The following VXN variants were observed in gnomAD, a reference collection of about 807,000 sequenced individuals.
The protein encoded by VXN is uncharacterized protein C8orf46.
A neutral mutation model predicts 23.1 loss-of-function variants in VXN; 7 were observed. The observed-to-expected ratio is 0.30, with a 90% CI of 0.17 to 0.57. The LOEUF (loss-of-function observed/expected upper bound fraction) is 0.57, where lower values mean the gene tolerates loss of function less well. VXN is among the 20% of genes least tolerant of loss of function. The pLI is 0.91. For missense variants in VXN, 238 were observed against 272.6 expected, an observed-to-expected ratio of 0.87 and a Z score of 0.89; for synonymous variants, 120 against 105.8, an observed-to-expected ratio of 1.13 and a Z score of -0.83.
At chr8:66,506,884 A>G (rs989147004) in intron 3 of VXN, among the ~76,000 whole-genome samples, 1 of 93,894 alleles carries the variant, frequency 1.1e-5, no homozygotes, top group Non-Finnish European at 1.9e-5. Flanking sequence ...TTAAGACGAG[A>G]TAGATTTTTC....
intron 2 of VXN, 21 bp downstream of exon 2, chr8:66,496,513 A>T (rs761995781): frequency 2.5e-6 from 4 of 1,612,036 alleles, no homozygotes; most frequent in Non-Finnish European, 1.7e-6. Context: ...TTTAGTTTTG[A>T]TGTTCTTTGG....
intron 3 of VXN, 93 bp from the exon 4 acceptor site, chr8:66,510,003 G>C: frequency 8.2e-7 from 1 of 1,214,498 alleles, no homozygotes; most frequent in Admixed American, 1.7e-5. Flanking sequence ...TCCCTGGCGT[G>C]GTTGATTGGC....
intron 4 of VXN, chr8:66,510,417 T>C: frequency 2.4e-6 from 1 of 410,772 alleles, no homozygotes; most frequent in Non-Finnish European, 4.4e-6. Context: ...TATTATCCAA[T>C]AGACATCTTA....
intron 4 of VXN, among the ~76,000 whole-genome samples, chr8:66,512,949 G>T (rs1048193513): frequency 3.9e-5 from 6 of 152,204 alleles, no homozygotes; most frequent in African/African-American, 1.4e-4. Flanking sequence ...AATCTGCCCT[G>T]CAAGGTGGGT....
Position 66,502,801 on chromosome 8 carries a change from A to ATTGCAC in VXN, c.127-2564_127-2559dup, listed in dbSNP as rs569817298. ...AGAAAAGAAATGCACAGAGCAACCA[A>ATTGCAC]TTGCACTTGCACTTGTAAATTCCTA... is the stretch of plus-strand genomic sequence containing the variant. On this transcript the variant is annotated intron_variant, in intron 2 of 5. Coordinates refer to ENST00000305454, the MANE Select transcript of VXN (RefSeq NM_152765.4). 2.1e-3 allele frequency among the ~76,000 whole-genome samples: 315 copies of ATTGCAC among 152,092 alleles called. 3 individuals are homozygous for ATTGCAC. The highest frequency in any genetic ancestry group is 7.5e-3 in the African/African-American group (310 of 41,512).
chr8:66,509,286 T>C (rs1469905855), intron 3 of VXN, among the ~76,000 whole-genome samples: 1 of 152,224 alleles, frequency 6.6e-6, no homozygotes, highest in African/African-American at 2.4e-5. Flanking sequence ...AAAGCCAGCT[T>C]TCCCCTACGT....
chr8:66,501,995 C>T (rs1807697124), intron 2 of VXN, among the ~76,000 whole-genome samples: 1 of 152,172 alleles, frequency 6.6e-6, no homozygotes, highest in Admixed American at 6.5e-5. Context: ...GTATTTGTAT[C>T]TCTTCTTATC....
chr8:66,506,232 A>AT (rs1491453609), intron 3 of VXN, among the ~76,000 whole-genome samples: 1 of 140,340 alleles, frequency 7.1e-6, no homozygotes, highest in South Asian at 2.4e-4. Context: ...AGAGAGAGAC[A>AT]GTGTGTGTGT....
chr8:66,507,308 C>T (rs998710955), intron 3 of VXN, among the ~76,000 whole-genome samples: 1 of 152,196 alleles, frequency 6.6e-6, no homozygotes, highest in Non-Finnish European at 1.5e-5. Flanking sequence ...ACAACCCTCT[C>T]CCCACCATCC....
At chr8:66,505,344 G>A (rs1198382075) in intron 2 of VXN, 31 bp from the exon 3 acceptor site, 3 of 1,567,814 alleles carry the variant, frequency 1.9e-6, no homozygotes. Context: ...GAGCAGAGGA[G>A]TGGGCTAACC....
intron 3 of VXN, among the ~76,000 whole-genome samples, chr8:66,509,514 T>C (rs1196798278): frequency 1.3e-5 from 2 of 152,184 alleles, no homozygotes; most frequent in African/African-American, 4.8e-5. Flanking sequence ...AGCACAGGCA[T>C]GACTTCTCTG....
intron 1 of VXN, among the ~76,000 whole-genome samples, chr8:66,495,583 C>T (rs1028836167): frequency 3.9e-5 from 6 of 152,170 alleles, no homozygotes; most frequent in Non-Finnish European, 4.4e-5. Context: ...TCAACATGAT[C>T]AGTCAAAGAT....
chr8:66,503,335 C>A (rs1217827420), intron 2 of VXN: 1 of 152,118 alleles, frequency 6.6e-6, no homozygotes, highest in Non-Finnish European at 1.5e-5. Context: ...CTGTGAATCC[C>A]CTCAGCCCCA....
At position 66,517,057 on chromosome 8, in the gene VXN, GA is replaced by G. The variant is rs1279150976; in HGVS notation, c.*984del. 4 of 152,180 alleles carry G rather than the reference GA, an allele frequency of 2.6e-5. No homozygotes were observed. Among genetic ancestry groups the G allele is most frequent in the Non-Finnish European group, 5.9e-5 (4 of 68,026 alleles). The allele number at this position is 152,180 out of a possible 1,614,324, so 9.4% of individuals were successfully genotyped here. On this transcript the variant is annotated 3_prime_UTR_variant, in exon 6 of 6. Coordinates refer to ENST00000305454, the MANE Select transcript of VXN (RefSeq NM_152765.4). ...GTTGGAACAAGTAAGGGATTTGAAT[GA>G]AATACACTATTATATCTTATATGTT...
intron 5 of VXN, 35 bp from the exon 6 acceptor site, chr8:66,515,858 A>T (rs202005561): frequency 1.0e-4 from 152 of 1,511,164 alleles, no homozygotes; most frequent in Non-Finnish European, 1.3e-4. Context: ...TTGTGAGCAG[A>T]CCACCCTCCC....
chr8:66,510,140 G>T lies in VXN; in HGVS notation c.325G>T (p.Ala109Ser). 6.2e-7 allele frequency: 1 copy of T among 1,612,716 alleles called. No individual in the cohort carries two copies. Among genetic ancestry groups the T allele is most frequent in the African/African-American group, 1.3e-5 (1 of 74,958 alleles). ...PKTSNLCGNR[A>S]YGKSLIPPVP... is the part of the protein sequence containing the mutation. ...AACATCAAATCTGTGTGGGAATCGAGCATATGGAAAATCTCTGGTAAGTAA... is the reference window on the plus strand; with the variant it reads ...AACATCAAATCTGTGTGGGAATCGATCATATGGAAAATCTCTGGTAAGTAA... Residue 109 changes from alanine to serine, a missense_variant, in exon 4 of 6, where the codon GCA becomes TCA. Physicochemically the swap from Ala to Ser is moderately conservative, Grantham distance 99. Around this residue, in one of 2 missense-constraint regions of VXN, gnomAD observed 223 missense variants for 236.9 expected, o/e 0.94. Transcript: ENST00000305454.
rs186266296 is a variant in VXN at position 66,498,040 on chromosome 8, T to C, written c.126+1548T>C. On this transcript the variant is annotated intron_variant, in intron 2 of 5. Transcript: ENST00000305454. ...AAAATTAGTTGGGCATGGTGGCGCA[T>C]GCCTGTAATCCCAGCTACTCAGGAG... is the stretch of plus-strand genomic sequence containing the variant. Among the ~76,000 whole-genome samples the C allele has an allele frequency of 3.9e-5, 6 of 152,140 alleles. No individual in the cohort carries two copies. In the East Asian group the frequency reaches 1.2e-3, roughly 29 times the overall value.
At position 66,515,963 on chromosome 8, in the gene VXN, C is replaced by T; in HGVS notation, c.511C>T (p.Leu171=). ...LPQGAEASLP[L]TGSASCGVPG... ...CCAAGGAGCAGAAGCCTCTCTACCA[C>T]TGACAGGCAGTGCTTCCTGCGGCGT... The change falls in exon 6 of 6, where the codon CTG becomes TTG. Residue 171 remains leucine (L), a synonymous_variant. Coordinates refer to ENST00000305454, the MANE Select transcript of VXN (RefSeq NM_152765.4). 1 of 1,613,966 alleles carries T rather than the reference C, an allele frequency of 6.2e-7. No individual in the cohort carries two copies. Among genetic ancestry groups the T allele is most frequent in the Non-Finnish European group, 8.5e-7 (1 of 1,179,964 alleles).
At chr8:66,515,277 C>T (rs1037624704) in intron 5 of VXN, among the ~76,000 whole-genome samples, 1 of 152,146 alleles carries the variant, frequency 6.6e-6, no homozygotes, top group South Asian at 2.1e-4. Flanking sequence ...GTTCCTGGAC[C>T]CTAGTTACAG....
Sources: gnomAD v4.1 joint callset for allele counts (sites outside exome capture counted in the v4.1 genomes callset) on GRCh38, gnomAD v4.1.1 for gene constraint, gnomAD v4.1.1 regional missense constraint, MANE v1.5 for transcripts, NCBI Gene and HGNC (gene_info 2026-07-23, HGNC 2026-07-21) for gene names.